Variants in MYH8 observed in about 807,000 individuals in gnomAD.
The protein encoded by MYH8 is myosin-8.
A neutral mutation model predicts 233.2 loss-of-function variants in MYH8; 168 were observed. The ratio of observed to expected loss-of-function variants is 0.72; its 90% CI spans 0.64 to 0.82. The LOEUF (loss-of-function observed/expected upper bound fraction) is 0.82, where lower values mean the gene tolerates loss of function less well. MYH8 is among the 40% of genes least tolerant of loss of function. The pLI is 0.00. For missense variants in MYH8, 1,995 were observed against 2,327.8 expected (o/e 0.86, Z 2.94); for synonymous variants, 785 against 850.6 (o/e 0.92, Z 1.34).
In MYH8 at chr17:10,420,180, A is replaced by T. The variant is rs1289550310; in HGVS notation, c.48T>A (p.Ala16=). Residue 16 remains alanine (A), a synonymous_variant, in exon 3 of 40, where the codon GCT becomes GCA. Coordinates refer to ENST00000403437, the MANE Select transcript of MYH8 (RefSeq NM_002472.3). ...CCTTTTCTGATTTTCGAAGGTAGGGAGCAGCTTCGCCAAAAACAGCCATCT... is the reference window on the plus strand; with the variant it reads ...CCTTTTCTGATTTTCGAAGGTAGGGTGCAGCTTCGCCAAAAACAGCCATCT... ...DAEMAVFGEA[A]PYLRKSEKER... 6.2e-7 allele frequency: 1 copy of T among 1,613,938 alleles called. No homozygotes were observed. The highest frequency in any genetic ancestry group is 2.2e-5 in the East Asian group (1 of 44,884).
intron 21 of MYH8, 47 bp downstream of exon 21, chr17:10,405,994 T>C (rs772908796): frequency 1.2e-6 from 2 of 1,604,104 alleles, no homozygotes; most frequent in African/African-American, 1.3e-5. Context: ...GACTGATTGA[T>C]AGTCCTTAAG....
intron 17 of MYH8, among the ~76,000 whole-genome samples, chr17:10,408,621 T>A (rs1273495278): frequency 6.6e-6 from 1 of 152,238 alleles, no homozygotes; most frequent in Admixed American, 6.5e-5. Context: ...TCCATTTAAG[T>A]CACTGGGCTT....
At position 10,403,618 on chromosome 17, in the gene MYH8, A is replaced by C. The variant is rs375665494; in HGVS notation, c.2688+712T>G. ...TTTGGAAAAATGTAACCTTCATATA[A>C]ATGAAGGTATCAGAAGGAAAAATTG... is the stretch of plus-strand genomic sequence containing the variant. On this transcript the variant is annotated intron_variant, in intron 22 of 39. Coordinates refer to ENST00000403437, the MANE Select transcript of MYH8 (RefSeq NM_002472.3). Among the ~76,000 whole-genome samples, 3 of 152,284 alleles carry C rather than the reference A, an allele frequency of 2.0e-5. No homozygotes were observed. The South Asian group carries it at 6.2e-4, about 32-fold the overall frequency.
chr17:10,414,775 G>C (rs1169702744), intron 9 of MYH8, among the ~76,000 whole-genome samples: 1 of 152,182 alleles, frequency 6.6e-6, no homozygotes, highest in East Asian at 1.9e-4. Context: ...ACTCTGGGTG[G>C]TGAGGGCCTA....
chr17:10,391,442 G>A (rs1238639518), intron 39 of MYH8, among the ~76,000 whole-genome samples: 1 of 152,168 alleles, frequency 6.6e-6, no homozygotes, highest in Non-Finnish European at 1.5e-5. Context: ...CACTTTGGGA[G>A]GCCGAGGTGG....
chr17:10,406,753 T>C lies in MYH8; in HGVS notation c.2108A>G (p.Glu703Gly). Residue 703 changes from glutamate (E) to glycine (G), a missense_variant, in exon 19 of 40, where the codon GAA becomes GGA. Transcript: ENST00000403437. ...LHQLRCNGVL[E>G]GIRICRKGFP... Reference sequence around the variant, plus strand: ...TCCTTTCCTACAGATGCGGATGCCTTCCAGCACACCATTACACCTCAGCTG... The same window carrying C: ...TCCTTTCCTACAGATGCGGATGCCTCCCAGCACACCATTACACCTCAGCTG... 1 of 1,614,198 alleles carries C rather than the reference T, an allele frequency of 6.2e-7. No individual in the cohort carries two copies. Among genetic ancestry groups the C allele is most frequent in the Non-Finnish European group, 8.5e-7 (1 of 1,180,028 alleles).
At position 10,406,885 on chromosome 17, in the gene MYH8, G is replaced by A; in HGVS notation, c.2053+7C>T. 6.2e-7 allele frequency: 1 copy of A among 1,613,442 alleles called. No homozygotes were observed. The highest frequency in any genetic ancestry group is 1.1e-5 in the South Asian group (1 of 91,048). On this transcript the variant is annotated splice_region_variant and intron_variant, in intron 18 of 39. Coordinates refer to ENST00000403437, the MANE Select transcript of MYH8 (RefSeq NM_002472.3). ...CCCGTTTGATTATTTCACTCTCTGT[G>A]TCTTACCAGGAGTTTTGGTTTCATT...
In MYH8 at chr17:10,392,818, T is replaced by C. The variant is rs375298356; in HGVS notation, c.5463+13A>G. The C allele has an allele frequency of 8.7e-6, 14 of 1,613,912 alleles. No homozygotes were observed. The highest frequency in any genetic ancestry group is 4.0e-5 in the African/African-American group (3 of 74,866). ...TTTTCCCTTCCCAGATTTAGAGAGATTGAGACACCCACCCTGGCCTCCAGT... is the reference window on the plus strand; with the variant it reads ...TTTTCCCTTCCCAGATTTAGAGAGACTGAGACACCCACCCTGGCCTCCAGT... On this transcript the variant is annotated intron_variant, in intron 37 of 39. Coordinates refer to ENST00000403437, the MANE Select transcript of MYH8 (RefSeq NM_002472.3).
intron 17 of MYH8, among the ~76,000 whole-genome samples, chr17:10,407,879 A>G (rs957965253): frequency 1.3e-5 from 2 of 151,844 alleles, no homozygotes; most frequent in Non-Finnish European, 2.9e-5. Flanking sequence ...AAATTATGAA[A>G]CTATATAACC....
At chr17:10,411,218 T>C (rs978862188) in intron 14 of MYH8, among the ~76,000 whole-genome samples, 1 of 151,506 alleles carries the variant, frequency 6.6e-6, no homozygotes, top group Admixed American at 6.6e-5. Flanking sequence ...CTACTGAAAA[T>C]ACAAAAAATT....
chr17:10,400,750 G>A lies in MYH8; in HGVS notation c.3375C>T (p.Ile1125=), dbSNP rs758674213. Residue 1125 remains isoleucine, a synonymous_variant, in exon 27 of 40, where the codon ATC becomes ATT. Coordinates refer to ENST00000403437, the MANE Select transcript of MYH8 (RefSeq NM_002472.3). This position sits in a 1 kb window ranked among gnomAD's most constrained non-coding sequence, Gnocchi z 4.0. The stretch of plus-strand genomic sequence containing the variant: ...TGGCTCGGGACGCCCTCTCTGCCTC[G>A]ATTTCTTCCCCCAGCTCCTCAATGC... ...QARIEELGEE[I]EAERASRAKA... 1.2e-6 allele frequency: 2 copies of A among 1,614,014 alleles called. No individual in the cohort carries two copies. The highest frequency in any genetic ancestry group is 1.1e-5 in the South Asian group (1 of 91,082).
At chr17:10,409,221 A>C in intron 16 of MYH8, 57 bp from the exon 17 acceptor site, 1 of 1,613,390 alleles carries the variant, frequency 6.2e-7, no homozygotes, top group Non-Finnish European at 8.5e-7. Context: ...TTATATGAAC[A>C]TGTATTATAA....
Position 10,409,499 on chromosome 17 carries a change from G to C in MYH8, c.1677C>G (p.His559Gln). The change falls in exon 16 of 40, where the codon CAC becomes CAG. Residue 559 changes from histidine to glutamine, a missense_variant. Physicochemically the swap from His to Gln is conservative, Grantham distance 24 (BLOSUM62 0). Coordinates refer to ENST00000403437, the MANE Select transcript of MYH8 (RefSeq NM_002472.3). Reference sequence around the variant, plus strand: ...TCTGGAAGTTGGCAGACTTGCCCAGGTGCTGGTCATACAGCTTGTTCTTGA... The same window carrying C: ...TCTGGAAGTTGGCAGACTTGCCCAGCTGCTGGTCATACAGCTTGTTCTTGA... ...TSFKNKLYDQHLGKSANFQKP... is the reference protein window; with the variant it reads ...TSFKNKLYDQQLGKSANFQKP... 6.2e-7 allele frequency: 1 copy of C among 1,614,244 alleles called. No homozygotes were observed. Among genetic ancestry groups the C allele is most frequent in the Non-Finnish European group, 8.5e-7 (1 of 1,180,042 alleles).
chr17:10,392,049 C>G (rs112807726), intron 38 of MYH8, 72 bp from the exon 39 acceptor site: 7 of 1,322,216 alleles, frequency 5.3e-6, no homozygotes, highest in Admixed American at 1.7e-5. Flanking sequence ...AAAATAAAAT[C>G]ATTTGGCATG....
rs1340830420 is a variant in MYH8, at chr17:10,415,927, A to G, written c.512-219T>C. Among the ~76,000 whole-genome samples the G allele has an allele frequency of 6.6e-6, 1 of 152,182 alleles. No individual in the cohort carries two copies. The highest frequency in any genetic ancestry group is 2.4e-5 in the African/African-American group (1 of 41,458). On this transcript the variant is annotated intron_variant, in intron 5 of 39. Transcript: ENST00000403437. The surrounding 1 kb of genome is among the most constrained non-coding windows in gnomAD (Gnocchi z 4.1). ...CATCTCTTCCTTTTTGTATTTATTA[A>G]TTTTTAATTGCGATGAGATACACAT...
chr17:10,406,267 G>T lies in MYH8; in HGVS notation c.2295+7C>A, dbSNP rs199730970. The T allele has an allele frequency of 3.1e-6, 5 of 1,613,960 alleles. No homozygotes were observed. The South Asian group carries it at 4.4e-5, about 14-fold the overall frequency. ...CTTGGATCAGGTGTAAATAAATAAC[G>T]ATATACCTTGGTATGTCCAAATTTA... On this transcript the variant is annotated splice_region_variant and intron_variant, in intron 20 of 39. Transcript: ENST00000403437.
rs1284920104 is a variant in MYH8 at position 10,393,206 on chromosome 17, G to T, written c.5171C>A (p.Thr1724Asn). Residue 1724 changes from threonine (T) to asparagine (N), a missense_variant, in exon 36 of 40, where the codon ACC becomes AAC. By Grantham distance (65) the Thr-to-Asn change is moderately conservative. This residue lies in a region of MYH8 where 1,498 missense variants were observed against 1,680.9 expected (regional missense o/e 0.89). Coordinates refer to ENST00000403437, the MANE Select transcript of MYH8 (RefSeq NM_002472.3). Reference sequence around the variant, plus strand: ...TTTCTTCTTGGTGTTAATGAGACTGGTATTCTGTTAAAAGTAGTCGTGGAA... The same window carrying T: ...TTTCTTCTTGGTGTTAATGAGACTGTTATTCTGTTAAAAGTAGTCGTGGAA... The part of the protein sequence containing the change: ...ERVQLLHTQN[T>N]SLINTKKKLE... The T allele has an allele frequency of 2.5e-6, 4 of 1,614,140 alleles. No homozygotes were observed. The highest frequency in any genetic ancestry group is 3.4e-6 in the Non-Finnish European group (4 of 1,180,022).
chr17:10,415,491 T>C lies in MYH8; in HGVS notation c.629A>G (p.Asp210Gly), dbSNP rs963790352. 5 of 1,614,114 alleles carry C rather than the reference T, an allele frequency of 3.1e-6. No individual in the cohort carries two copies. The Admixed American group carries it at 6.7e-5, about 22-fold the overall frequency. The stretch of plus-strand genomic sequence containing the variant: ...ACCTACCTGCATTTTGCCAGATTCA[T>C]CCTTCTTCTTCTCTCCAGTAACTGC... ...TIAVTGEKKK[D>G]ESGKMQGTLE... is the part of the protein sequence containing the mutation. The change falls in exon 7 of 40, where the codon GAT becomes GGT. Residue 210 changes from aspartate (D) to glycine (G), a missense_variant. Asp to Gly is a moderately conservative substitution (Grantham distance 94). Coordinates refer to ENST00000403437, the MANE Select transcript of MYH8 (RefSeq NM_002472.3). This position sits in a 1 kb window ranked among gnomAD's most constrained non-coding sequence, Gnocchi z 4.1.
chr17:10,414,489 A>T lies in MYH8; in HGVS notation c.806-5T>A, dbSNP rs2072272361. 6.4e-7 allele frequency: 1 copy of T among 1,567,640 alleles called. No individual in the cohort carries two copies. Among genetic ancestry groups the T allele is most frequent in the Non-Finnish European group, 8.8e-7 (1 of 1,138,312 alleles). ...CTCTGGACTTTTCTAAAAGATCTGG[A>T]GAGGGAAATAGATATCGAGTTTGAA... On this transcript the variant is annotated splice_region_variant and splice_polypyrimidine_tract_variant and intron_variant, in intron 9 of 39. Transcript: ENST00000403437.
Sources: gnomAD v4.1 joint callset for allele counts (sites outside exome capture counted in the v4.1 genomes callset) on GRCh38, gnomAD v4.1.1 for gene constraint, gnomAD v4.1.1 regional missense constraint, Gnocchi (gnomAD v3.1) non-coding constraint, MANE v1.5 for transcripts, NCBI Gene and HGNC (gene_info 2026-07-23, HGNC 2026-07-21) for gene names.